The following ZNF490 variants were observed in gnomAD, a reference collection of about 807,000 sequenced individuals.
ZNF490 encodes the protein zinc finger protein 490.
Under a neutral mutation model 17.7 loss-of-function variants are expected in ZNF490, and 11 were observed. The ratio of observed to expected loss-of-function variants is 0.62; its 90% CI spans 0.39 to 1.03. The LOEUF is 1.03. ZNF490 is among the 50% of genes least tolerant of loss of function. The probability of loss-of-function intolerance (pLI) is 0.00; values close to 1 mark genes in which losing one functional copy is unlikely to be tolerated. For missense variants in ZNF490, 542 were observed against 643.4 expected, an observed-to-expected ratio of 0.84 and a Z score of 1.71; for synonymous variants, 222 against 216.1, an observed-to-expected ratio of 1.03 and a Z score of -0.24.
chr19:12,583,011 G>C (rs2145142277), intron 3 of ZNF490, 101 bp from the exon 4 acceptor site: 2 of 930,640 alleles, frequency 2.1e-6, no homozygotes, highest in Non-Finnish European at 3.3e-6. Context: ...CTATGACACT[G>C]TCTGATCTAC....
At chr19:12,602,749 C>G (rs1204073299) in intron 2 of ZNF490, among the ~76,000 whole-genome samples, 2 of 151,706 alleles carry the variant, frequency 1.3e-5, no homozygotes, top group Non-Finnish European at 2.9e-5. Context: ...CTCAGCCTCC[C>G]GAGAAGCTGG....
In ZNF490 at chr19:12,586,387, A is replaced by C. The variant is rs1207512213; in HGVS notation, c.163-2831T>G. On this transcript the variant is annotated intron_variant, in intron 2 of 4. Transcript: ENST00000311437. ...TTTCTGCATGTTTCACAATTGAAGA[A>C]ATCTCTAGAGAACCCCAAAAATGAC... Among the ~76,000 whole-genome samples the C allele has an allele frequency of 4.2e-5, 4 of 94,514 alleles. 1 individual carries two copies. The East Asian group carries it at 8.1e-4, about 19-fold the overall frequency. 62.0% of individuals were successfully genotyped at this position (94,514 alleles called of 152,430 possible). A position where few individuals can be genotyped will look rare whatever the true frequency, so the allele number is the denominator to read the frequency against.
At chr19:12,601,085 C>G (rs1013982022) in intron 2 of ZNF490, among the ~76,000 whole-genome samples, 1 of 110,318 alleles carries the variant, frequency 9.1e-6, no homozygotes, top group Non-Finnish European at 1.9e-5. Flanking sequence ...GACCCTGTCT[C>G]AAAAAAAAAA....
rs551685611 is a variant in ZNF490 at position 12,610,770 on chromosome 19, G to C, written c.-90C>G. 1 of 1,325,100 alleles carries C rather than the reference G, an allele frequency of 7.5e-7. No homozygotes were observed. Among genetic ancestry groups the C allele is most frequent in the Non-Finnish European group, 1.1e-6 (1 of 928,998 alleles). 82.1% of individuals were successfully genotyped at this position (1,325,100 alleles called of 1,614,324 possible). A position where few individuals can be genotyped will look rare whatever the true frequency, so the allele number is the denominator to read the frequency against. On this transcript the variant is annotated 5_prime_UTR_variant, in exon 1 of 5. Coordinates refer to ENST00000311437, the MANE Select transcript of ZNF490 (RefSeq NM_020714.3). ...TTTCTGCTTCAACACAATTGTCCAC[G>C]GAGGGCACCAGTTCCGTCCCACCGG...
In ZNF490 at chr19:12,610,791, A is replaced by G; in HGVS notation, c.-111T>C. The stretch of plus-strand genomic sequence containing the variant: ...CCACGGAGGGCACCAGTTCCGTCCC[A>G]CCGGCGGAAGCGAGATCTGCCTAGC... On this transcript the variant is annotated 5_prime_UTR_variant, in exon 1 of 5. Coordinates refer to ENST00000311437, the MANE Select transcript of ZNF490 (RefSeq NM_020714.3). The G allele has an allele frequency of 1.7e-6, 2 of 1,155,440 alleles. No homozygotes were observed. The highest frequency in any genetic ancestry group is 2.6e-6 in the Non-Finnish European group (2 of 782,506). 71.6% of individuals were successfully genotyped at this position (1,155,440 alleles called of 1,614,324 possible). A position where few individuals can be genotyped will look rare whatever the true frequency, so the allele number is the denominator to read the frequency against.
chr19:12,609,516 A>T (rs949170385), intron 1 of ZNF490, among the ~76,000 whole-genome samples: 1 of 151,862 alleles, frequency 6.6e-6, no homozygotes, highest in African/African-American at 2.4e-5. Context: ...CCTCCGAAGG[A>T]GCTAGGACTA....
In ZNF490 at chr19:12,595,197, A is replaced by G. The variant is rs185030678; in HGVS notation, c.163-11641T>C. On this transcript the variant is annotated intron_variant, in intron 2 of 4. Transcript: ENST00000311437. ...GCTCTTGTTGTCCCTGCTGGAGTGC[A>G]AGGGTGTGATCTCGGCTCACCACAA... 4.5e-4 allele frequency among the ~76,000 whole-genome samples: 69 copies of G among 151,766 alleles called. No individual in the cohort carries two copies. In the East Asian group the frequency reaches 0.011, roughly 25 times the overall value.
At chr19:12,596,590 G>T (rs2022936721) in intron 2 of ZNF490, among the ~76,000 whole-genome samples, 1 of 152,118 alleles carries the variant, frequency 6.6e-6, no homozygotes, top group Admixed American at 6.6e-5. Context: ...TGAGGCGGGA[G>T]GATCGCTTGA....
chr19:12,588,133 A>G lies in ZNF490; in HGVS notation c.163-4577T>C, dbSNP rs1009300540. Among the ~76,000 whole-genome samples, 4 of 147,352 alleles carry G rather than the reference A, an allele frequency of 2.7e-5. 1 individual carries two copies. The highest frequency in any genetic ancestry group is 6.0e-5 in the Non-Finnish European group (4 of 66,382). The stretch of plus-strand genomic sequence containing the variant: ...GATCCGCCTGCCTCCCAAAGTGCTG[A>G]GATTACAAGCGTGAGACACCATGCC... On this transcript the variant is annotated intron_variant, in intron 2 of 4. Coordinates refer to ENST00000311437, the MANE Select transcript of ZNF490 (RefSeq NM_020714.3).
intron 4 of ZNF490, 105 bp from the exon 5 acceptor site, chr19:12,581,829 G>A: frequency 2.9e-6 from 3 of 1,049,256 alleles, no homozygotes; most frequent in Non-Finnish European, 4.1e-6. Flanking sequence ...GAAACTGTAT[G>A]TTATCTGCCC....
intron 2 of ZNF490, among the ~76,000 whole-genome samples, chr19:12,586,734 T>C (rs1396329526): frequency 1.1e-5 from 1 of 93,098 alleles, no homozygotes; most frequent in Non-Finnish European, 2.9e-5. Flanking sequence ...CTAGGCTGGA[T>C]TGCAGTGACA....
In ZNF490 at chr19:12,597,050, C is replaced by T. The variant is rs897079895; in HGVS notation, c.162+12108G>A. 8 of 452,586 alleles carry T rather than the reference C, an allele frequency of 1.8e-5. No individual in the cohort carries two copies. In the Middle Eastern group the frequency reaches 1.2e-3, roughly 70 times the overall value. The allele number at this position is 452,586 out of a possible 1,614,324, so 28.0% of individuals were successfully genotyped here. A position where few individuals can be genotyped will look rare whatever the true frequency, so the allele number is the denominator to read the frequency against. On this transcript the variant is annotated intron_variant, in intron 2 of 4. Coordinates refer to ENST00000311437, the MANE Select transcript of ZNF490 (RefSeq NM_020714.3). ...GGCCCAGCCCCACGCTGCTGGGAGA[C>T]CCTCGGGTCAGCTGCGCCAGGGGGA...
At chr19:12,610,183 A>G (rs533413981) in intron 1 of ZNF490, among the ~76,000 whole-genome samples, 28 of 145,580 alleles carry the variant, frequency 1.9e-4, no homozygotes, top group African/African-American at 5.6e-4. Context: ...CGGGTGTCCT[A>G]CGGATTGTTT....
chr19:12,597,124 G>C (rs1599310558), intron 2 of ZNF490: 6 of 461,880 alleles, frequency 1.3e-5, no homozygotes, highest in Non-Finnish European at 2.6e-5. Flanking sequence ...CTCAGGTCTC[G>C]GGACTCCCGG....
rs778812676 is a variant in ZNF490 at position 12,602,079 on chromosome 19, T to TATACACAC, written c.162+7078_162+7079insGTGTGTAT. Among the ~76,000 whole-genome samples the TATACACAC allele has an allele frequency of 7.1e-3, 485 of 68,638 alleles. 7 individuals are homozygous for TATACACAC. Among genetic ancestry groups the TATACACAC allele is most frequent in the Middle Eastern group, 0.021 (3 of 144 alleles). 45.0% of individuals were successfully genotyped at this position (68,638 alleles called of 152,430 possible). ...CGTTTTTGAAACTCAGTTCACTATA[T>TATACACAC]ACACACACACACACACACACACACA... On this transcript the variant is annotated intron_variant, in intron 2 of 4. Coordinates refer to ENST00000311437, the MANE Select transcript of ZNF490 (RefSeq NM_020714.3).
rs1161784240 is a variant in ZNF490, at chr19:12,576,910, TCACA to T, written c.*3571_*3574del. Among the ~76,000 whole-genome samples, 1 of 144,594 alleles carries T rather than the reference TCACA, an allele frequency of 6.9e-6. No homozygotes were observed. Among genetic ancestry groups the T allele is most frequent in the African/African-American group, 2.6e-5 (1 of 38,552 alleles). The allele number at this position is 144,594 out of a possible 152,430, so 94.9% of individuals were successfully genotyped here. ...AGCCCTCTAGACAAATATACAAAAA[TCACA>T]CACGTTATCACTGTACATACAGGTG... On this transcript the variant is annotated 3_prime_UTR_variant, in exon 5 of 5. Transcript: ENST00000311437.
chr19:12,597,177 G>T lies in ZNF490; in HGVS notation c.162+11981C>A, dbSNP rs922760314. ...TTCTCGGCTTACGGAGGCTCCAGGA[G>T]TCCTCCCTACGGATCCCTCACTACC... On this transcript the variant is annotated intron_variant, in intron 2 of 4. Coordinates refer to ENST00000311437, the MANE Select transcript of ZNF490 (RefSeq NM_020714.3). 8.7e-6 allele frequency: 4 copies of T among 459,190 alleles called. No individual in the cohort carries two copies. In the Admixed American group the frequency reaches 9.4e-5, roughly 11 times the overall value. The allele number at this position is 459,190 out of a possible 1,614,324, so 28.4% of individuals were successfully genotyped here.
rs1020197303 is a variant in ZNF490 at position 12,580,794 on chromosome 19, A to G, written c.1281T>C (p.Phe427=). 9 of 1,614,052 alleles carry G rather than the reference A, an allele frequency of 5.6e-6. No homozygotes were observed. Among genetic ancestry groups the G allele is most frequent in the African/African-American group, 1.3e-5 (1 of 74,936 alleles). ...GGATTCGAAAGTGAGTGGAATAAAG[A>G]AAGGCTTTACCACATTCTTTACATT... ...TYECKECGKA[F]LYSTHFRIHE... is the part of the protein sequence containing the mutation. The change falls in exon 5 of 5, where the codon TTT becomes TTC. Residue 427 remains phenylalanine, a synonymous_variant. Coordinates refer to ENST00000311437, the MANE Select transcript of ZNF490 (RefSeq NM_020714.3).
chr19:12,610,456 A>T, intron 1 of ZNF490, 108 bp downstream of exon 1: 1 of 945,806 alleles, frequency 1.1e-6, no homozygotes, highest in Non-Finnish European at 1.7e-6. Context: ...GTCAAAGATT[A>T]AAATGCAACC....
Sources: gnomAD v4.1 joint callset for allele counts (sites outside exome capture counted in the v4.1 genomes callset) on GRCh38, gnomAD v4.1.1 for gene constraint, MANE v1.5 for transcripts, NCBI Gene and HGNC (gene_info 2026-07-23, HGNC 2026-07-21) for gene names.